The following SYNPR variants were observed in gnomAD, a reference collection of about 807,000 sequenced individuals.
The protein encoded by SYNPR is synaptoporin.
SYNPR carries 23 observed loss-of-function variants against 32.9 expected under a neutral mutation model. The observed-to-expected ratio is 0.70, with a 90% confidence interval of 0.50 to 0.99. The LOEUF (loss-of-function observed/expected upper bound fraction) is 0.99, where lower values mean the gene tolerates loss of function less well. SYNPR is among the 50% of genes least tolerant of loss of function. The pLI, the probability that SYNPR is intolerant of heterozygous loss-of-function variation, is 0.00. For synonymous variants in SYNPR, 146 were observed against 135.9 expected, an observed-to-expected ratio of 1.07 and a Z score of -0.52; for missense variants, 318 against 349.3, an observed-to-expected ratio of 0.91 and a Z score of 0.71.
intron 2 of SYNPR, among the ~76,000 whole-genome samples, chr3:63,440,100 G>A (rs1700146573): frequency 6.6e-6 from 1 of 152,188 alleles, no homozygotes; most frequent in Non-Finnish European, 1.5e-5. Flanking sequence ...GGAATTACTG[G>A]AGAAAGTGAA....
intron 2 of SYNPR, among the ~76,000 whole-genome samples, chr3:63,418,547 T>C (rs562744221): frequency 3.9e-5 from 6 of 152,328 alleles, no homozygotes; most frequent in Non-Finnish European, 7.3e-5. Context: ...GATAAAGACA[T>C]ACCCAAGACT....
chr3:63,601,043 T>C (rs1019504251), intron 4 of SYNPR, among the ~76,000 whole-genome samples: 2 of 152,004 alleles, frequency 1.3e-5, no homozygotes, highest in Non-Finnish European at 2.9e-5. Context: ...GAGGCCGAGG[T>C]GGGCAGATCA....
intron 4 of SYNPR, among the ~76,000 whole-genome samples, chr3:63,607,818 T>C (rs1163705179): frequency 1.3e-5 from 2 of 152,156 alleles, no homozygotes; most frequent in Admixed American, 6.5e-5. Context: ...ACAGCATCTA[T>C]AGAGTGTAAA....
intron 2 of SYNPR, among the ~76,000 whole-genome samples, chr3:63,377,870 AT>A (rs1272980450): frequency 1.1e-4 from 16 of 152,064 alleles, no homozygotes; most frequent in South Asian, 6.2e-4. Flanking sequence ...GCATAAGATT[AT>A]TTTTTCCCCA....
intron 2 of SYNPR, among the ~76,000 whole-genome samples, chr3:63,394,200 C>A (rs1357732226): frequency 6.6e-6 from 1 of 152,158 alleles, no homozygotes; most frequent in Non-Finnish European, 1.5e-5. Flanking sequence ...TAGCTCTTAT[C>A]CTTTCTTACC....
At chr3:63,585,141 C>CA (rs909950037) in intron 4 of SYNPR, among the ~76,000 whole-genome samples, 89 of 151,946 alleles carry the variant, frequency 5.9e-4, no homozygotes, top group African/African-American at 2.0e-3. Flanking sequence ...ATTCCCACTG[C>CA]AAAAAAACTG....
At chr3:63,601,674 G>A (rs1429453712) in intron 4 of SYNPR, among the ~76,000 whole-genome samples, 3 of 152,178 alleles carry the variant, frequency 2.0e-5, no homozygotes, top group Admixed American at 6.5e-5. Context: ...CAAAGGACAT[G>A]ATCTCATTCT....
chr3:63,420,438 G>A (rs1313525123), intron 2 of SYNPR, among the ~76,000 whole-genome samples: 1 of 152,110 alleles, frequency 6.6e-6, no homozygotes, highest in Non-Finnish European at 1.5e-5. Flanking sequence ...TGCTGTATCT[G>A]AAACTGCAAA....
At chr3:63,464,049 G>A (rs1700636071) in intron 2 of SYNPR, among the ~76,000 whole-genome samples, 1 of 152,048 alleles carries the variant, frequency 6.6e-6, no homozygotes, top group African/African-American at 2.4e-5. Flanking sequence ...ATATACACTT[G>A]TGAGTTTCAC....
chr3:63,246,952 G>T (rs1273140439), intron 1 of SYNPR, among the ~76,000 whole-genome samples: 2 of 152,004 alleles, frequency 1.3e-5, no homozygotes, highest in African/African-American at 4.8e-5. Context: ...TAGGCAAAAA[G>T]TTTAGCATAT....
chr3:63,217,942 C>A, the SYNPR span, among the ~76,000 whole-genome samples: 1 of 152,062 alleles, frequency 6.6e-6, no homozygotes, highest in African/African-American at 2.4e-5. Context: ...ATACTTCAAT[C>A]CTTATGTCTA....
intron 3 of SYNPR, among the ~76,000 whole-genome samples, chr3:63,482,974 A>G (rs562082837): frequency 9.2e-5 from 14 of 152,332 alleles, no homozygotes; most frequent in Non-Finnish European, 2.1e-4. Context: ...ATCCACTATT[A>G]TAAAGGGTGG....
intron 3 of SYNPR, among the ~76,000 whole-genome samples, chr3:63,525,610 C>T (rs1701997733): frequency 6.6e-6 from 1 of 152,158 alleles, no homozygotes. Context: ...AAACAATAGA[C>T]ATTTTCCTCA....
Position 63,311,431 on chromosome 3 carries a change from T to C in SYNPR, c.84+32689T>C, listed in dbSNP as rs1016273343. Among the ~76,000 whole-genome samples the C allele has an allele frequency of 2.6e-5, 4 of 151,992 alleles. No homozygotes were observed. In the South Asian group the frequency reaches 8.3e-4, roughly 31 times the overall value. ...CCCGGGCCAAAGACCACTATGAGCA[T>C]TACCACTTGAGCTCTGCCTCCCATC... On this transcript the variant is annotated intron_variant, in intron 2 of 5. Transcript: ENST00000478300.
rs2106912434 is a variant in SYNPR at position 63,615,379 on chromosome 3, T to C, written c.756T>C (p.Tyr252=). 1 of 1,613,958 alleles carries C rather than the reference T, an allele frequency of 6.2e-7. No individual in the cohort carries two copies. The highest frequency in any genetic ancestry group is 2.2e-5 in the East Asian group (1 of 44,870). ...YNQGGYNQDS[Y]GSSSGYSQQA... ...AAGGTGGTTACAACCAAGACAGCTA[T>C]GGATCAAGCAGTGGGTACAGTCAGC... is the stretch of plus-strand genomic sequence containing the variant. The change falls in exon 6 of 6, where the codon TAT becomes TAC. Residue 252 remains tyrosine (Y), a synonymous_variant. Transcript: ENST00000478300.
intron 2 of SYNPR, among the ~76,000 whole-genome samples, chr3:63,438,284 A>G (rs1700118602): frequency 6.6e-6 from 1 of 152,152 alleles, no homozygotes; most frequent in African/African-American, 2.4e-5. Context: ...TTCTTCCACT[A>G]TATTCCTTAG....
At chr3:63,481,100 A>G in intron 3 of SYNPR, 144 bp downstream of exon 3, 1 of 1,106,194 alleles carries the variant, frequency 9.0e-7, no homozygotes, top group Non-Finnish European at 1.2e-6. Flanking sequence ...GCCCAAACAC[A>G]GTGCCCACTC....
chr3:63,560,421 T>G (rs1172194643), intron 4 of SYNPR, among the ~76,000 whole-genome samples: 1 of 152,178 alleles, frequency 6.6e-6, no homozygotes, highest in African/African-American at 2.4e-5. Flanking sequence ...TTAAGCGAAT[T>G]CACAGTAGGA....
At chr3:63,376,149 G>T (rs1379125022) in intron 2 of SYNPR, among the ~76,000 whole-genome samples, 2 of 152,014 alleles carry the variant, frequency 1.3e-5, no homozygotes, top group Admixed American at 6.6e-5. Flanking sequence ...TCTCATCCTA[G>T]CCCAAACCAT....
Sources: allele counts gnomAD v4.1 joint callset (sites outside exome capture counted in the v4.1 genomes callset), GRCh38; gene constraint gnomAD v4.1.1; transcripts MANE v1.5; gene names NCBI Gene and HGNC (gene_info 2026-07-23, HGNC 2026-07-21).